Variants in CDH12 observed in about 807,000 individuals in gnomAD.
CDH12 encodes cadherin 12.
In CDH12, 41 loss-of-function variants were observed where a neutral mutation model predicts 74.1. The ratio of observed to expected loss-of-function variants is 0.55; its 90% confidence interval spans 0.43 to 0.72. The LOEUF is 0.72. Ranked by LOEUF, CDH12 falls within the 30% of genes least tolerant of loss-of-function variation. The probability of loss-of-function intolerance (pLI) is 0.00; values close to 1 mark genes in which losing one functional copy is unlikely to be tolerated. For missense variants in CDH12, 945 were observed against 977.2 expected, an observed-to-expected ratio of 0.97 and a Z score of 0.44; for synonymous variants, 399 against 355.0, an observed-to-expected ratio of 1.12 and a Z score of -1.39.
At chr5:22,739,345 C>G (rs780020242) in intron 1 of CDH12, among the ~76,000 whole-genome samples, 1 of 146,478 alleles carries the variant, frequency 6.8e-6, no homozygotes, top group South Asian at 2.2e-4. Flanking sequence ...AAAGAAAAAA[C>G]TCTGACACTC....
At chr5:22,140,850 G>A (rs1381638875) in intron 4 of CDH12, among the ~76,000 whole-genome samples, 3 of 152,106 alleles carry the variant, frequency 2.0e-5, no homozygotes, top group East Asian at 1.9e-4. Flanking sequence ...AGACTACACC[G>A]TCTGCTTCAG....
chr5:22,278,477 T>C (rs1736734418), intron 3 of CDH12, among the ~76,000 whole-genome samples: 1 of 152,042 alleles, frequency 6.6e-6, no homozygotes, highest in Non-Finnish European at 1.5e-5. Context: ...AATGACAAGA[T>C]ACAAATCACC....
intron 4 of CDH12, among the ~76,000 whole-genome samples, chr5:22,132,210 G>T (rs1003752702): frequency 4.3e-4 from 66 of 152,046 alleles, no homozygotes; most frequent in African/African-American, 1.6e-3. Flanking sequence ...TTGAGTGGAA[G>T]CACCTGCTTG....
intron 2 of CDH12, among the ~76,000 whole-genome samples, chr5:22,422,598 T>C (rs532193022): frequency 2.6e-5 from 4 of 152,182 alleles, no homozygotes; most frequent in African/African-American, 7.2e-5. Context: ...TTGTATAATA[T>C]TACCATGGAT....
intron 6 of CDH12, among the ~76,000 whole-genome samples, chr5:21,880,616 C>CTTCCTTCCTTCCTTCCTTCTTTCTCTCT (rs758455941): frequency 7.9e-5 from 4 of 50,866 alleles, no homozygotes; most frequent in South Asian, 1.9e-3. Context: ...TCCTTCCTTC[C>CTTCCTTCCTTCCTTCCTTCTTTCTCTCT]TTCTTTCTTT....
intron 1 of CDH12, among the ~76,000 whole-genome samples, chr5:22,654,704 C>A (rs569465865): frequency 6.6e-6 from 1 of 151,492 alleles, no homozygotes; most frequent in South Asian, 2.1e-4. Context: ...GTCTCCATCT[C>A]GGCTCACTGC....
At chr5:22,409,787 T>C (rs531554919) in intron 2 of CDH12, among the ~76,000 whole-genome samples, 22 of 152,186 alleles carry the variant, frequency 1.4e-4, no homozygotes, top group Non-Finnish European at 2.5e-4. Flanking sequence ...AAAGCCTTCT[T>C]ACCACTCCTA....
At chr5:22,363,427 A>G (rs1394838761) in intron 3 of CDH12, among the ~76,000 whole-genome samples, 1 of 152,166 alleles carries the variant, frequency 6.6e-6, no homozygotes, top group Non-Finnish European at 1.5e-5. Flanking sequence ...TTATATGCCA[A>G]CCAGGCTTGT....
At chr5:21,811,385 G>A (rs2149936915) in intron 9 of CDH12, among the ~76,000 whole-genome samples, 1 of 151,912 alleles carries the variant, frequency 6.6e-6, no homozygotes, top group South Asian at 2.1e-4. Context: ...AATCACTTTG[G>A]AGAAAATTCA....
At chr5:22,483,748 C>CTATTATATATATATATATATATA (rs1746472490) in intron 2 of CDH12, among the ~76,000 whole-genome samples, 1 of 22,764 alleles carries the variant, frequency 4.4e-5, no homozygotes, top group Non-Finnish European at 9.0e-5. Flanking sequence ...TCTTTCAAAA[C>CTATTATATATATATATATATATA]TATATATATA....
At chr5:21,781,786 T>C (rs1032265054) in intron 11 of CDH12, among the ~76,000 whole-genome samples, 1 of 151,770 alleles carries the variant, frequency 6.6e-6, no homozygotes, top group Non-Finnish European at 1.5e-5. Flanking sequence ...TAGAGATTTA[T>C]GCATTTTAAA....
At chr5:22,307,668 T>C (rs948432648) in intron 3 of CDH12, among the ~76,000 whole-genome samples, 76 of 152,072 alleles carry the variant, frequency 5.0e-4, no homozygotes, top group African/African-American at 1.8e-3. Context: ...AATTAGTTGA[T>C]TTATATATTG....
chr5:22,394,106 A>T (rs1185822804), intron 3 of CDH12, among the ~76,000 whole-genome samples: 1 of 152,182 alleles, frequency 6.6e-6, no homozygotes, highest in Non-Finnish European at 1.5e-5. Flanking sequence ...TAGAAAATTC[A>T]CTGTTGGAAA....
intron 1 of CDH12, among the ~76,000 whole-genome samples, chr5:22,704,497 C>T (rs576746796): frequency 6.6e-6 from 1 of 152,012 alleles, no homozygotes; most frequent in East Asian, 1.9e-4. Context: ...TTCTAAAAGT[C>T]CAGTAAAGTA....
intron 6 of CDH12, among the ~76,000 whole-genome samples, chr5:21,877,796 G>A (rs1164448729): frequency 6.6e-6 from 1 of 152,208 alleles, no homozygotes; most frequent in East Asian, 1.9e-4. Flanking sequence ...GCCATGCTAA[G>A]TCTACAGAAG....
chr5:21,992,232 A>G (rs977052062), intron 5 of CDH12, among the ~76,000 whole-genome samples: 2 of 152,132 alleles, frequency 1.3e-5, no homozygotes, highest in African/African-American at 4.8e-5. Context: ...TAAAATAAGA[A>G]GGCAAAAATG....
intron 4 of CDH12, among the ~76,000 whole-genome samples, chr5:22,102,679 A>C (rs1012803737): frequency 1.3e-5 from 2 of 151,834 alleles, no homozygotes; most frequent in African/African-American, 4.8e-5. Flanking sequence ...TAAATAAATA[A>C]ATAAATAAAT....
intron 1 of CDH12, among the ~76,000 whole-genome samples, chr5:22,730,146 C>A (rs1018689313): frequency 6.6e-6 from 1 of 151,602 alleles, no homozygotes; most frequent in Non-Finnish European, 1.5e-5. Context: ...ATCAATTCTG[C>A]CAGTAAGTTA....
intron 2 of CDH12, among the ~76,000 whole-genome samples, chr5:22,456,110 TATA>T (rs1745257631): frequency 2.0e-3 from 2 of 1,020 alleles, no homozygotes; most frequent in African/African-American, 0.014. Flanking sequence ...GTGGATATTA[TATA>T]TATATATATA....
Sources: gnomAD v4.1 joint callset for allele counts (sites outside exome capture counted in the v4.1 genomes callset) on GRCh38, gnomAD v4.1.1 for gene constraint, MANE v1.5 for transcripts, NCBI Gene and HGNC (gene_info 2026-07-23, HGNC 2026-07-21) for gene names.